Variants in ADGB observed in about 807,000 individuals in gnomAD.
ADGB encodes the protein androglobin.
A neutral mutation model predicts 210.5 loss-of-function variants in ADGB; 172 were observed. The ratio of observed to expected loss-of-function variants is 0.82; its 90% CI spans 0.72 to 0.93. ADGB has a LOEUF of 0.93. ADGB is among the 40% of genes least tolerant of loss of function. The pLI is 0.00. For missense variants in ADGB, 2,025 were observed against 1,964.8 expected (o/e 1.03, Z -0.58); for synonymous variants, 658 against 662.7 (o/e 0.99, Z 0.11).
chr6:146,756,082 C>A (rs1350791276), intron 27 of ADGB, among the ~76,000 whole-genome samples: 1 of 152,014 alleles, frequency 6.6e-6, no homozygotes, highest in East Asian at 1.9e-4. Context: ...GGAGTATAAG[C>A]TGAGCAACAG....
intron 28 of ADGB, among the ~76,000 whole-genome samples, chr6:146,768,677 A>G (rs1445805084): frequency 6.6e-6 from 1 of 152,224 alleles, no homozygotes; most frequent in African/African-American, 2.4e-5. Context: ...GATCACAAAG[A>G]AGAGAAAACC....
rs185675275 is a variant in ADGB at position 146,725,843 on chromosome 6, A to C, written c.2238-240A>C. On this transcript the variant is annotated intron_variant, in intron 18 of 35. Coordinates refer to ENST00000397944, the MANE Select transcript of ADGB (RefSeq NM_024694.4). ...GGTCACTCCAGCATGTACTGCAGAG[A>C]AGTTTGGTATTTAGCCTAACTATTT... 3 of 358,526 alleles carry C rather than the reference A, an allele frequency of 8.4e-6. No homozygotes were observed. In the East Asian group the frequency reaches 1.3e-4, roughly 16 times the overall value. The allele number at this position is 358,526 out of a possible 1,614,324, so 22.2% of individuals were successfully genotyped here. A position where few individuals can be genotyped will look rare whatever the true frequency, so the allele number is the denominator to read the frequency against.
chr6:146,721,326 CTA>C lies in ADGB; in HGVS notation c.1993-75_1993-74del. On this transcript the variant is annotated intron_variant, in intron 16 of 35. Transcript: ENST00000397944. ...TTTCCTGTAACTCTTAGATGTTATA[CTA>C]TGTTTTCATTAGAAGTGAAATAATA... The C allele has an allele frequency of 4.3e-6, 4 of 922,910 alleles. No homozygotes were observed. The Admixed American group carries it at 8.4e-5, about 19-fold the overall frequency. The allele number at this position is 922,910 out of a possible 1,614,324, so 57.2% of individuals were successfully genotyped here.
chr6:146,731,617 A>G (rs554081156), intron 20 of ADGB, among the ~76,000 whole-genome samples: 1 of 152,290 alleles, frequency 6.6e-6, no homozygotes, highest in East Asian at 1.9e-4. Flanking sequence ...GTTTCAGACT[A>G]AATTCTCCCT....
In ADGB at chr6:146,733,751, A is replaced by G. The variant is rs1265777865; in HGVS notation, c.2657-142A>G. The G allele has an allele frequency of 1.1e-5, 10 of 901,418 alleles. No homozygotes were observed. The East Asian group carries it at 2.4e-4, about 22-fold the overall frequency. 55.8% of individuals were successfully genotyped at this position (901,418 alleles called of 1,614,324 possible). On this transcript the variant is annotated intron_variant, in intron 21 of 35. Transcript: ENST00000397944. ...ATTTACATTCTAACAAGAACCACCT[A>G]GAGCCGGCAATATTAAATATGATGC... is the stretch of plus-strand genomic sequence containing the variant.
At chr6:146,787,411 G>T (rs542993108) in intron 32 of ADGB, among the ~76,000 whole-genome samples, 1 of 151,998 alleles carries the variant, frequency 6.6e-6, no homozygotes, top group Non-Finnish European at 1.5e-5. Flanking sequence ...TATGTACCCC[G>T]TATGTCTCAC....
At chr6:146,813,723 A>G (rs1778337485) in intron 35 of ADGB, among the ~76,000 whole-genome samples, 1 of 152,234 alleles carries the variant, frequency 6.6e-6, no homozygotes, top group African/African-American at 2.4e-5. Context: ...CGATTAGATT[A>G]GATTACAAAA....
intron 2 of ADGB, among the ~76,000 whole-genome samples, chr6:146,640,607 A>G (rs1471703711): frequency 6.6e-6 from 1 of 152,112 alleles, no homozygotes; most frequent in Non-Finnish European, 1.5e-5. Context: ...TTGGCTCAAC[A>G]TATGCAAATC....
rs1264160506 is a variant in ADGB, at chr6:146,702,986, T to C, written c.1707+1916T>C. Among the ~76,000 whole-genome samples, 4 of 151,892 alleles carry C rather than the reference T, an allele frequency of 2.6e-5. No individual in the cohort carries two copies. In the East Asian group the frequency reaches 7.7e-4, roughly 29 times the overall value. On this transcript the variant is annotated intron_variant, in intron 13 of 35. Coordinates refer to ENST00000397944, the MANE Select transcript of ADGB (RefSeq NM_024694.4). ...TTTTTTAAAAATTTTGCCAATCAGA[T>C]TGGTAAGAAAAAGTAGTTCATTTTG...
At chr6:146,756,269 C>T (rs537599210) in intron 27 of ADGB, among the ~76,000 whole-genome samples, 119 of 152,238 alleles carry the variant, frequency 7.8e-4, no homozygotes, top group African/African-American at 2.8e-3. Context: ...GTCTATAATA[C>T]AAATCCTTCC....
chr6:146,720,959 G>A (rs538985099), intron 16 of ADGB, among the ~76,000 whole-genome samples: 18 of 152,268 alleles, frequency 1.2e-4, no homozygotes, highest in African/African-American at 4.1e-4. Flanking sequence ...AAGGAAGAGA[G>A]AGCTTATTTC....
At chr6:146,711,287 C>G (rs1451780500) in intron 13 of ADGB, among the ~76,000 whole-genome samples, 1 of 152,058 alleles carries the variant, frequency 6.6e-6, no homozygotes, top group Non-Finnish European at 1.5e-5. Context: ...CCAAACACTA[C>G]AAAAATTATA....
At chr6:146,665,580 C>G (rs773819085) in intron 6 of ADGB, among the ~76,000 whole-genome samples, 1 of 152,036 alleles carries the variant, frequency 6.6e-6, no homozygotes, top group Non-Finnish European at 1.5e-5. Flanking sequence ...GCATTGAATA[C>G]ATGACCTGGA....
rs780260770 is a variant in ADGB, at chr6:146,647,088, C to CAAA, written c.330+2230_330+2232dup. ...TGGGTGACAGAGTGAGAGCCTGTCT[C>CAAA]AAAAAAAAACAAAAAACAAAAAACA... is the stretch of plus-strand genomic sequence containing the variant. On this transcript the variant is annotated intron_variant, in intron 3 of 35. Coordinates refer to ENST00000397944, the MANE Select transcript of ADGB (RefSeq NM_024694.4). Among the ~76,000 whole-genome samples the CAAA allele has an allele frequency of 5.1e-3, 566 of 110,452 alleles. 22 individuals are homozygous for CAAA. The highest frequency in any genetic ancestry group is 8.4e-3 in the African/African-American group (241 of 28,820). 72.5% of individuals were successfully genotyped at this position (110,452 alleles called of 152,430 possible). A position where few individuals can be genotyped will look rare whatever the true frequency, so the allele number is the denominator to read the frequency against.
chr6:146,753,322 A>G (rs1186393321), intron 27 of ADGB, among the ~76,000 whole-genome samples: 1 of 152,062 alleles, frequency 6.6e-6, no homozygotes, highest in Non-Finnish European at 1.5e-5. Context: ...AAAACACACT[A>G]AATATTTTGG....
intron 1 of ADGB, among the ~76,000 whole-genome samples, chr6:146,624,369 A>G (rs966813458): frequency 6.6e-6 from 1 of 151,910 alleles, no homozygotes; most frequent in African/African-American, 2.4e-5. Context: ...TGGATAAAGA[A>G]TGACTTGTAA....
chr6:146,655,036 A>G (rs893579340), intron 4 of ADGB, among the ~76,000 whole-genome samples: 1 of 152,128 alleles, frequency 6.6e-6, no homozygotes, highest in Non-Finnish European at 1.5e-5. Flanking sequence ...TAGATTCCAC[A>G]TATATGTGAA....
chr6:146,763,832 AC>A, intron 27 of ADGB, 68 bp from the exon 28 acceptor site: 1 of 1,318,266 alleles, frequency 7.6e-7, no homozygotes, highest in Non-Finnish European at 1.0e-6. Context: ...AAGGAATGTA[AC>A]TGATTTAGTC....
intron 33 of ADGB, among the ~76,000 whole-genome samples, chr6:146,791,982 C>T (rs879390401): frequency 7.1e-6 from 1 of 140,848 alleles, no homozygotes; most frequent in Non-Finnish European, 1.5e-5. Flanking sequence ...ATTGCCCTGG[C>T]TGTTCTTGAA....
Sources: allele counts gnomAD v4.1 joint callset (sites outside exome capture counted in the v4.1 genomes callset), GRCh38; gene constraint gnomAD v4.1.1; transcripts MANE v1.5; gene names NCBI Gene and HGNC (gene_info 2026-07-23, HGNC 2026-07-21).